Variants in GPSM1 observed in about 807,000 individuals in gnomAD.
GPSM1 encodes the protein G protein signaling modulator 1, also known as G protein-signaling modulator 1.
A neutral mutation model predicts 70.5 loss-of-function variants in GPSM1; 48 were observed. The observed-to-expected ratio is 0.68, with a 90% CI of 0.54 to 0.87. The LOEUF (loss-of-function observed/expected upper bound fraction) is 0.87, where lower values mean the gene tolerates loss of function less well. Among genes scored for constraint, GPSM1 ranks in the 40% least tolerant of loss-of-function variants. GPSM1 has a pLI of 0.00. For synonymous variants in GPSM1, 416 were observed against 430.1 expected (o/e 0.97, Z 0.41); for missense variants, 981 against 972.6 (o/e 1.01, Z -0.11).
chr9:136,332,404 G>A lies in GPSM1; in HGVS notation c.69-2043G>A, dbSNP rs1049187306. On this transcript the variant is annotated intron_variant, in intron 1 of 13. Transcript: ENST00000440944. ...AGAAGCCTCCTTCGCCTTGAGCCTC[G>A]GATGCCACGTCTCCGGCTGGAAGGG... Among the ~76,000 whole-genome samples, 55 of 152,236 alleles carry A rather than the reference G, an allele frequency of 3.6e-4. 2 individuals carry two copies. The highest frequency in any genetic ancestry group is 3.3e-4 in the Admixed American group (5 of 15,288).
Position 136,349,655 on chromosome 9 carries a change from C to T in GPSM1, c.1347C>T (p.Pro449=), listed in dbSNP as rs1435621279. Residue 449 remains proline, a synonymous_variant, in exon 11 of 14, where the codon CCC becomes CCT. Coordinates refer to ENST00000440944, the MANE Select transcript of GPSM1 (RefSeq NM_001145638.3). The part of the protein sequence containing the change: ...RGPSRDSLPL[P]VRSRKYQEGP... ...CCAGCAGGGACTCGCTACCCCTCCCCGTGAGGAGCAGGAAGTACCAGGAAG... is the reference window on the plus strand; with the variant it reads ...CCAGCAGGGACTCGCTACCCCTCCCTGTGAGGAGCAGGAAGTACCAGGAAG... 201 of 1,550,730 alleles carry T rather than the reference C, an allele frequency of 1.3e-4. No homozygotes were observed. The highest frequency in any genetic ancestry group is 1.7e-4 in the Non-Finnish European group (194 of 1,147,054).
intron 12 of GPSM1, 44 bp from the exon 13 acceptor site, chr9:136,356,298 G>C (rs1832820427): frequency 3.5e-6 from 5 of 1,411,680 alleles, no homozygotes; most frequent in Non-Finnish European, 4.7e-6. Context: ...CCTCGGGCTT[G>C]ACCCCGCACT....
In GPSM1 at chr9:136,353,386, G is replaced by A. The variant is rs1554772457; in HGVS notation, c.1456-2304G>A. Among the ~76,000 whole-genome samples, 4 of 152,286 alleles carry A rather than the reference G, an allele frequency of 2.6e-5. No individual in the cohort carries two copies. In the East Asian group the frequency reaches 7.7e-4, roughly 29 times the overall value. ...AAGGGAGAGGTTAGAGCAGGGAGGC[G>A]GAACCCCGAGTCCCACTGGATATGT... is the stretch of plus-strand genomic sequence containing the variant. On this transcript the variant is annotated intron_variant, in intron 11 of 13. Transcript: ENST00000440944.
chr9:136,356,771 C>T (rs1051033981), intron 13 of GPSM1, among the ~76,000 whole-genome samples: 2 of 152,112 alleles, frequency 1.3e-5, no homozygotes, highest in African/African-American at 4.8e-5. Context: ...ACACCAGAGA[C>T]CCCCCCTGGC....
chr9:136,334,547 G>A lies in GPSM1; in HGVS notation c.169G>A (p.Val57Met), dbSNP rs145912995. 5.0e-6 allele frequency: 8 copies of A among 1,613,342 alleles called. No homozygotes were observed. The highest frequency in any genetic ancestry group is 1.3e-5 in the African/African-American group (1 of 75,064). ...GVAFFEAAVQ[V>M]GTEDLKTLSA... ...GGCCTTCTTTGAGGCTGCTGTGCAG[G>A]TGGGCACCGAGGACCTGAAGACACT... The change falls in exon 2 of 14, where the codon GTG becomes ATG. Residue 57 changes from valine (V) to methionine (M), a missense_variant. Physicochemically the swap from Val to Met is conservative, Grantham distance 21 (BLOSUM62 1). Coordinates refer to ENST00000440944, the MANE Select transcript of GPSM1 (RefSeq NM_001145638.3).
intron 1 of GPSM1, chr9:136,332,144 G>A: frequency 2.5e-6 from 1 of 399,360 alleles, no homozygotes; most frequent in African/African-American, 2.0e-5. Context: ...TCTACGTGCA[G>A]AAGATGCGAA....
In GPSM1 at chr9:136,334,669, G is replaced by A; in HGVS notation, c.290+1G>A. 6.2e-7 allele frequency: 1 copy of A among 1,607,246 alleles called. No individual in the cohort carries two copies. Among genetic ancestry groups the A allele is most frequent in the Non-Finnish European group, 8.5e-7 (1 of 1,178,116 alleles). ...ACAAGCATGACCTCCTGCTGGCGCG[G>A]TGAGTGGGGACGGTCCTGCTGGCGG... On this transcript the variant is annotated splice_donor_variant, in intron 2 of 13. Transcript: ENST00000440944. LOFTEE classifies it high-confidence loss of function.
Position 136,341,625 on chromosome 9 carries a change from TG to T in GPSM1, c.1207+638del, listed in dbSNP as rs1310239932. On this transcript the variant is annotated intron_variant, in intron 9 of 13. Coordinates refer to ENST00000440944, the MANE Select transcript of GPSM1 (RefSeq NM_001145638.3). This position sits in a 1 kb window ranked among gnomAD's most constrained non-coding sequence, Gnocchi z 6.7. ...CTGGCAGGTGGGTGAGGGGCAGGCT[TG>T]GGGGGAGCAGCTGCCCCACCCATGT... 4 of 1,007,612 alleles carry T rather than the reference TG, an allele frequency of 4.0e-6. No homozygotes were observed. The highest frequency in any genetic ancestry group is 2.2e-4 in the East Asian group (2 of 9,266). 62.4% of individuals were successfully genotyped at this position (1,007,612 alleles called of 1,614,324 possible).
chr9:136,339,040 C>T (rs1832322439), intron 7 of GPSM1, among the ~76,000 whole-genome samples: 1 of 152,176 alleles, frequency 6.6e-6, no homozygotes. Context: ...GTGTGCAGGT[C>T]TGGGGTGGGT....
At chr9:136,353,301 G>T (rs1396360968) in intron 11 of GPSM1, 1 of 165,846 alleles carries the variant, frequency 6.0e-6, no homozygotes, top group African/African-American at 2.4e-5. Context: ...AGAGAGACTA[G>T]AGTCAGACTG....
In GPSM1 at chr9:136,358,354, GGCGACAGGCTCAGGCCAA is replaced by G. The variant is rs1554773672; in HGVS notation, c.*137_*154del. 2.9e-4 allele frequency: 249 copies of G among 848,802 alleles called. No homozygotes were observed. The highest frequency in any genetic ancestry group is 4.3e-4 in the Non-Finnish European group (235 of 552,774). The allele number at this position is 848,802 out of a possible 1,614,324, so 52.6% of individuals were successfully genotyped here. On this transcript the variant is annotated 3_prime_UTR_variant, in exon 14 of 14. Transcript: ENST00000440944. ...CAGCCCCACGGCCTCCCCGACCCAG[GGCGACAGGCTCAGGCCAA>G]GCTGCCCGTGGTGGGAGGGCGTGCT...
rs781843950 is a variant in GPSM1, at chr9:136,358,061, C to T, written c.1869C>T (p.Pro623=). The change falls in exon 14 of 14, where the codon CCC becomes CCT. Residue 623 remains proline (P), a synonymous_variant. Coordinates refer to ENST00000440944, the MANE Select transcript of GPSM1 (RefSeq NM_001145638.3). ...GCTGCCCGCCACCTGACGTACTGCC[C>T]CGGGGCCCTACCATGCCGGACGAGG... ...DQRCPPPDVL[P]RGPTMPDEDF... is the part of the protein sequence containing the mutation. The T allele has an allele frequency of 2.2e-5, 36 of 1,612,684 alleles. No homozygotes were observed. Among genetic ancestry groups the T allele is most frequent in the Non-Finnish European group, 3.0e-5 (35 of 1,179,834 alleles).
rs1554770597 is a variant in GPSM1 at position 136,343,000 on chromosome 9, G to A, written c.1207+2007G>A. ...TTTGGTGTCCCGTTGATAAACACAA[G>A]GAGACTTACGTGCGGCTGGAGGACA... On this transcript the variant is annotated intron_variant, in intron 9 of 13. Transcript: ENST00000440944. The surrounding 1 kb of genome is among the most constrained non-coding windows in gnomAD (Gnocchi z 5.5). Among the ~76,000 whole-genome samples, 1 of 152,112 alleles carries A rather than the reference G, an allele frequency of 6.6e-6. No homozygotes were observed. Among genetic ancestry groups the A allele is most frequent in the Non-Finnish European group, 1.5e-5 (1 of 68,002 alleles).
intron 11 of GPSM1, among the ~76,000 whole-genome samples, chr9:136,354,388 G>C (rs1832754129): frequency 6.6e-6 from 1 of 152,198 alleles, no homozygotes; most frequent in Non-Finnish European, 1.5e-5. Context: ...CTGTCAGACA[G>C]CTGTCCGTCT....
intron 2 of GPSM1, among the ~76,000 whole-genome samples, 193 bp downstream of exon 2, chr9:136,334,861 G>T (rs1174803103): frequency 6.6e-6 from 1 of 151,214 alleles, no homozygotes; most frequent in African/African-American, 2.4e-5. Context: ...AGTGAGTGGG[G>T]CGGCCCTGCT....
chr9:136,353,989 G>A (rs1554772554), intron 11 of GPSM1, among the ~76,000 whole-genome samples: 1 of 152,220 alleles, frequency 6.6e-6, no homozygotes, highest in African/African-American at 2.4e-5. Flanking sequence ...TCCTGGCTGG[G>A]GAATCCGGGG....
chr9:136,342,305 G>A lies in GPSM1; in HGVS notation c.1207+1312G>A, dbSNP rs115025990. Among the ~76,000 whole-genome samples, 4,213 of 152,244 alleles carry A rather than the reference G, an allele frequency of 0.028. 211 individuals are homozygous for A. The highest frequency in any genetic ancestry group is 0.093 in the African/African-American group (3,872 of 41,524). On this transcript the variant is annotated intron_variant, in intron 9 of 13. Coordinates refer to ENST00000440944, the MANE Select transcript of GPSM1 (RefSeq NM_001145638.3). This position sits in a 1 kb window ranked among gnomAD's most constrained non-coding sequence, Gnocchi z 5.5. ...CAGCAGCAACTGGCAGCAGGGCTGG[G>A]AGCAGCTCTGGAAAGGCTCCGCGGA...
chr9:136,330,350 A>C (rs908883445), intron 1 of GPSM1, among the ~76,000 whole-genome samples: 4 of 152,032 alleles, frequency 2.6e-5, no homozygotes, highest in African/African-American at 7.2e-5. Context: ...CCACATGGCC[A>C]TGCTACCCCC....
intron 6 of GPSM1, 107 bp from the exon 7 acceptor site, chr9:136,338,447 TG>T: frequency 1.9e-6 from 2 of 1,068,882 alleles, no homozygotes; most frequent in Non-Finnish European, 2.7e-6. Context: ...GAGGCCCCAG[TG>T]GGATTCCGGG....
Sources: allele counts gnomAD v4.1 joint callset (sites outside exome capture counted in the v4.1 genomes callset), GRCh38; gene constraint gnomAD v4.1.1; non-coding constraint Gnocchi (gnomAD v3.1); transcripts MANE v1.5; gene names NCBI Gene and HGNC (gene_info 2026-07-23, HGNC 2026-07-21).